ABCC4: variants seen among roughly 807,000 people sequenced by gnomAD.
The protein encoded by ABCC4 is ATP binding cassette subfamily C member 4 (PEL blood group).
ABCC4 carries 102 observed loss-of-function variants against 168.5 expected under a neutral mutation model. That is an observed-to-expected ratio of 0.61 (90% confidence interval 0.52 to 0.71). The LOEUF (loss-of-function observed/expected upper bound fraction) is 0.71, where lower values mean the gene tolerates loss of function less well. Ranked by LOEUF, ABCC4 falls within the 30% of genes least tolerant of loss-of-function variation. The pLI is 0.00. For synonymous variants in ABCC4, 617 were observed against 590.7 expected (o/e 1.04, Z -0.65); for missense variants, 1,402 against 1,605.8 (o/e 0.87, Z 2.17).
At chr13:95,202,865 G>GGCAT (rs1235842923) in intron 8 of ABCC4, among the ~76,000 whole-genome samples, 2 of 151,924 alleles carry the variant, frequency 1.3e-5, no homozygotes, top group African/African-American at 4.8e-5. Flanking sequence ...TCACCATGCT[G>GGCAT]GCCAGGCTGG....
intron 20 of ABCC4, among the ~76,000 whole-genome samples, chr13:95,084,238 G>T (rs1424537126): frequency 6.6e-6 from 1 of 152,094 alleles, no homozygotes; most frequent in East Asian, 1.9e-4. Context: ...TTTACAGATG[G>T]AGACACTGAG....
intron 27 of ABCC4, among the ~76,000 whole-genome samples, chr13:95,051,424 A>C (rs1008150436): frequency 9.9e-5 from 15 of 152,182 alleles, no homozygotes; most frequent in Non-Finnish European, 1.8e-4. Context: ...GCTGGAGTGC[A>C]GTGGTGCAAT....
At chr13:95,147,865 A>G (rs538464551) in intron 19 of ABCC4, among the ~76,000 whole-genome samples, 14 of 152,306 alleles carry the variant, frequency 9.2e-5, no homozygotes, top group Admixed American at 7.9e-4. Context: ...TGGTACTTAC[A>G]TGCAAAATTG....
intron 1 of ABCC4, among the ~76,000 whole-genome samples, chr13:95,251,372 T>A (rs997590749): frequency 1.1e-4 from 17 of 152,278 alleles, no homozygotes; most frequent in African/African-American, 3.9e-4. Flanking sequence ...CAACTGGCCA[T>A]GATGGAACTA....
At chr13:95,278,658 A>T (rs2041032268) in intron 1 of ABCC4, among the ~76,000 whole-genome samples, 1 of 151,966 alleles carries the variant, frequency 6.6e-6, no homozygotes, top group South Asian at 2.1e-4. Context: ...TTAGCCAGGC[A>T]TGGTGGTGCA....
chr13:95,050,638 T>G (rs886623316), intron 27 of ABCC4, among the ~76,000 whole-genome samples: 2 of 152,208 alleles, frequency 1.3e-5, no homozygotes, highest in South Asian at 4.1e-4. Flanking sequence ...TACAATGCCA[T>G]AAAGAAGTAG....
At chr13:95,193,668 T>C (rs2038328423) in intron 9 of ABCC4, among the ~76,000 whole-genome samples, 1 of 152,184 alleles carries the variant, frequency 6.6e-6, no homozygotes, top group African/African-American at 2.4e-5. Flanking sequence ...ACCAGCCCAA[T>C]CTGGTTCAAC....
intron 1 of ABCC4, among the ~76,000 whole-genome samples, chr13:95,254,278 T>C (rs1317102944): frequency 1.3e-5 from 2 of 152,202 alleles, no homozygotes; most frequent in Non-Finnish European, 2.9e-5. Flanking sequence ...GAGTATTATA[T>C]GTTTTTTCTA....
intron 19 of ABCC4, among the ~76,000 whole-genome samples, chr13:95,125,367 G>A (rs990891698): frequency 2.0e-5 from 3 of 152,196 alleles, no homozygotes; most frequent in African/African-American, 7.2e-5. Context: ...ATAGGCTACT[G>A]CCTGCTGTAC....
At chr13:95,114,413 T>C (rs2035304045) in intron 20 of ABCC4, among the ~76,000 whole-genome samples, 1 of 152,178 alleles carries the variant, frequency 6.6e-6, no homozygotes, top group Non-Finnish European at 1.5e-5. Flanking sequence ...AAACAGAAAC[T>C]TTCACAAAAT....
chr13:95,288,995 T>C (rs2041328264), intron 1 of ABCC4, among the ~76,000 whole-genome samples: 1 of 152,198 alleles, frequency 6.6e-6, no homozygotes, highest in African/African-American at 2.4e-5. Context: ...GCCTACCATG[T>C]TAAGCCATTG....
chr13:95,165,294 G>A (rs1384254812), intron 15 of ABCC4, among the ~76,000 whole-genome samples: 3 of 152,146 alleles, frequency 2.0e-5, no homozygotes, highest in Non-Finnish European at 4.4e-5. Flanking sequence ...ACCAGAGTTT[G>A]GAAAGGAAGG....
intron 20 of ABCC4, chr13:95,096,166 G>A (rs2034589281): frequency 3.1e-6 from 2 of 641,918 alleles, no homozygotes; most frequent in East Asian, 6.0e-5. Flanking sequence ...GGACAACACA[G>A]CGAGATCCCA....
chr13:95,200,967 A>G (rs967567566), intron 8 of ABCC4, among the ~76,000 whole-genome samples: 1 of 152,198 alleles, frequency 6.6e-6, no homozygotes, highest in African/African-American at 2.4e-5. Context: ...ACCACCATGA[A>G]GGAGTTTACC....
At chr13:95,130,414 G>A (rs1323610570) in intron 19 of ABCC4, among the ~76,000 whole-genome samples, 6 of 152,080 alleles carry the variant, frequency 3.9e-5, no homozygotes, top group African/African-American at 1.4e-4. Context: ...GTTTTCTGCT[G>A]CTCTGACAGT....
chr13:95,103,593 C>T (rs973137005), intron 20 of ABCC4, among the ~76,000 whole-genome samples: 4 of 152,292 alleles, frequency 2.6e-5, no homozygotes, highest in Middle Eastern at 3.4e-3. Flanking sequence ...GACTATCCTG[C>T]AGTGTGGGCC....
chr13:95,162,490 A>C (rs2037129827), intron 18 of ABCC4, among the ~76,000 whole-genome samples: 1 of 152,222 alleles, frequency 6.6e-6, no homozygotes, highest in South Asian at 2.1e-4. Flanking sequence ...CTGGCAAGCC[A>C]AATGTTAAAT....
chr13:95,148,313 A>G (rs1194187899), intron 19 of ABCC4, among the ~76,000 whole-genome samples: 1 of 152,162 alleles, frequency 6.6e-6, no homozygotes, highest in Non-Finnish European at 1.5e-5. Context: ...AGCAAGGAAG[A>G]GCTGAGATTC....
intron 20 of ABCC4, among the ~76,000 whole-genome samples, chr13:95,104,921 G>A (rs761551911): frequency 2.0e-5 from 3 of 152,200 alleles, no homozygotes; most frequent in Non-Finnish European, 2.9e-5. Context: ...TGGTTTCGCG[G>A]AGGACAATTT....
Sources: gnomAD v4.1 joint callset for allele counts (sites outside exome capture counted in the v4.1 genomes callset) on GRCh38, gnomAD v4.1.1 for gene constraint, MANE v1.5 for transcripts, NCBI Gene and HGNC (gene_info 2026-07-23, HGNC 2026-07-21) for gene names.